Variants in RIMS2 observed in about 807,000 individuals in gnomAD.
The protein encoded by RIMS2 is regulating synaptic membrane exocytosis protein 2.
In RIMS2, 59 loss-of-function variants were observed where a neutral mutation model predicts 174.4. That is an observed-to-expected ratio of 0.34 (90% CI 0.27 to 0.42). The LOEUF is 0.42. Among genes scored for constraint, RIMS2 ranks in the 10% least tolerant of loss-of-function variants. The pLI, the probability that RIMS2 is intolerant of heterozygous loss-of-function variation, is 1.00. For synonymous variants in RIMS2, 606 were observed against 572.5 expected, an observed-to-expected ratio of 1.06 and a Z score of -0.84; for missense variants, 1,620 against 1,666.3, an observed-to-expected ratio of 0.97 and a Z score of 0.48.
At chr8:103,964,325 C>T (rs903638422) in intron 15 of RIMS2, among the ~76,000 whole-genome samples, 2 of 152,134 alleles carry the variant, frequency 1.3e-5, no homozygotes, top group African/African-American at 4.8e-5. Flanking sequence ...CCACATCTTG[C>T]CAGCATTTGG....
chr8:104,180,090 A>T (rs1386248449), intron 19 of RIMS2, among the ~76,000 whole-genome samples: 1 of 151,792 alleles, frequency 6.6e-6, no homozygotes, highest in Non-Finnish European at 1.5e-5. Flanking sequence ...GCATAGATTT[A>T]ATGTAATGCT....
At chr8:103,839,649 T>C (rs2098927994) in intron 3 of RIMS2, among the ~76,000 whole-genome samples, 1 of 152,188 alleles carries the variant, frequency 6.6e-6, no homozygotes, top group Non-Finnish European at 1.5e-5. Flanking sequence ...GCAGGTGCAG[T>C]CTACTAGGCT....
intron 4 of RIMS2, among the ~76,000 whole-genome samples, chr8:103,906,553 CA>C (rs1363979394): frequency 1.1e-4 from 17 of 152,138 alleles, no homozygotes; most frequent in African/African-American, 4.1e-4. Flanking sequence ...GCATATATGA[CA>C]GGTTTTTTTG....
intron 2 of RIMS2, among the ~76,000 whole-genome samples, chr8:103,706,539 A>C (rs1275283583): frequency 6.6e-6 from 1 of 152,024 alleles, no homozygotes; most frequent in East Asian, 1.9e-4. Context: ...TTTCTCCTTC[A>C]TGTTTGAAGG....
At chr8:103,855,872 A>C (rs2099024793) in intron 3 of RIMS2, among the ~76,000 whole-genome samples, 1 of 152,070 alleles carries the variant, frequency 6.6e-6, no homozygotes, top group Admixed American at 6.6e-5. Flanking sequence ...TATTAGGTCC[A>C]GTTGGTCAAG....
At chr8:103,912,975 T>TTTG (rs1347063065) in intron 6 of RIMS2, among the ~76,000 whole-genome samples, 3 of 144,264 alleles carry the variant, frequency 2.1e-5, no homozygotes, top group Non-Finnish European at 3.1e-5. Flanking sequence ...TTGTTGTTTT[T>TTTG]TTTTTTTTTT....
intron 3 of RIMS2, among the ~76,000 whole-genome samples, chr8:103,815,653 A>G (rs937414175): frequency 2.0e-5 from 3 of 152,186 alleles, no homozygotes; most frequent in Non-Finnish European, 4.4e-5. Flanking sequence ...TAAGCCCTAC[A>G]TCCTATCAGC....
intron 19 of RIMS2, among the ~76,000 whole-genome samples, chr8:104,166,223 C>T (rs923180921): frequency 6.6e-4 from 100 of 151,392 alleles, no homozygotes; most frequent in African/African-American, 2.3e-3. Flanking sequence ...CCCGCCACCA[C>T]GCCCGGCTAA....
intron 19 of RIMS2, among the ~76,000 whole-genome samples, chr8:104,140,925 G>A (rs979041216): frequency 6.6e-5 from 10 of 152,218 alleles, no homozygotes; most frequent in African/African-American, 1.9e-4. Flanking sequence ...TCAGAGAAGA[G>A]ATACAGTTTT....
chr8:103,874,903 T>A (rs936704018), intron 3 of RIMS2, among the ~76,000 whole-genome samples: 2 of 152,080 alleles, frequency 1.3e-5, no homozygotes, highest in Non-Finnish European at 2.9e-5. Flanking sequence ...CAGCATCTGG[T>A]TGCATCTGCT....
chr8:104,223,404 A>C, intron 19 of RIMS2: 1 of 1,268,448 alleles, frequency 7.9e-7, no homozygotes, highest in Non-Finnish European at 9.9e-7. Context: ...CACTGCGAGC[A>C]GCCGCTCCGC....
At chr8:103,972,589 G>T (rs144857038) in intron 15 of RIMS2, among the ~76,000 whole-genome samples, 175 of 152,172 alleles carry the variant, frequency 1.2e-3, no homozygotes, top group African/African-American at 4.0e-3. Context: ...GTCTCCAATA[G>T]CTGTTCTTCA....
intron 19 of RIMS2, among the ~76,000 whole-genome samples, chr8:104,157,007 G>A (rs189938059): frequency 6.6e-6 from 1 of 152,246 alleles, no homozygotes; most frequent in African/African-American, 2.4e-5. Flanking sequence ...ATAGGATATG[G>A]CATGTTAATG....
chr8:103,578,048 G>A (rs1167319671), intron 1 of RIMS2, among the ~76,000 whole-genome samples: 1 of 152,112 alleles, frequency 6.6e-6, no homozygotes, highest in East Asian at 1.9e-4. Flanking sequence ...ACAAGGAGTG[G>A]AAAGATTATT....
chr8:104,008,485 T>TTGTGTG lies in RIMS2; in HGVS notation c.3045-4937_3045-4932dup, dbSNP rs150330985. ...TTCAAAATATTTACATCTTATATGTTTGTGTGTGTGTGTGTGTGTGTGTGT... is the reference window on the plus strand; with the variant it reads ...TTCAAAATATTTACATCTTATATGTTTGTGTGTGTGTGTGTGTGTGTGTGTGTGTGT... On this transcript the variant is annotated intron_variant, in intron 17 of 23. Transcript: ENST00000504942. Among the ~76,000 whole-genome samples the TTGTGTG allele has an allele frequency of 5.9e-3, 879 of 148,432 alleles. 11 individuals carry two copies. The highest frequency in any genetic ancestry group is 0.02 in the African/African-American group (828 of 40,756).
At chr8:104,095,757 C>T (rs1376499040) in intron 19 of RIMS2, among the ~76,000 whole-genome samples, 3 of 152,004 alleles carry the variant, frequency 2.0e-5, no homozygotes, top group South Asian at 2.1e-4. Context: ...AATAAAAGCA[C>T]GCCTTATTTA....
chr8:103,549,376 C>T (rs941872379), intron 1 of RIMS2, among the ~76,000 whole-genome samples: 1 of 152,124 alleles, frequency 6.6e-6, no homozygotes, highest in Non-Finnish European at 1.5e-5. Context: ...AACTAAGCTT[C>T]ATAAGTGCAG....
At chr8:103,720,624 C>T (rs1039170712) in intron 2 of RIMS2, among the ~76,000 whole-genome samples, 4 of 152,052 alleles carry the variant, frequency 2.6e-5, no homozygotes, top group African/African-American at 4.8e-5. Flanking sequence ...GTAAACCTGA[C>T]GAAGACCAGC....
intron 1 of RIMS2, among the ~76,000 whole-genome samples, chr8:103,603,547 G>C (rs900452157): frequency 6.6e-6 from 1 of 152,144 alleles, no homozygotes; most frequent in East Asian, 1.9e-4. Flanking sequence ...GGTATTTCTA[G>C]TTCTGGATCC....
Sources: allele counts gnomAD v4.1 joint callset (sites outside exome capture counted in the v4.1 genomes callset), GRCh38; gene constraint gnomAD v4.1.1; transcripts MANE v1.5; gene names NCBI Gene and HGNC (gene_info 2026-07-23, HGNC 2026-07-21).